NKAIN2: variants seen among roughly 807,000 people sequenced by gnomAD.
NKAIN2 encodes the protein sodium/potassium-transporting ATPase subunit beta-1-interacting protein 2.
In NKAIN2, 14 loss-of-function variants were observed where a neutral mutation model predicts 32.6. The observed-to-expected ratio is 0.43, with a 90% CI of 0.28 to 0.67. The LOEUF (loss-of-function observed/expected upper bound fraction) is 0.67. Ranked by LOEUF, NKAIN2 falls within the 30% of genes least tolerant of loss-of-function variation. The pLI is 0.17. For missense variants in NKAIN2, 198 were observed against 258.3 expected (o/e 0.77, Z 1.60); for synonymous variants, 80 against 87.2 (o/e 0.92, Z 0.46).
chr6:124,182,004 A>G (rs1042479621), intron 1 of NKAIN2, among the ~76,000 whole-genome samples: 13 of 152,180 alleles, frequency 8.5e-5, no homozygotes, highest in Non-Finnish European at 1.5e-4. Flanking sequence ...TCTAATAAAG[A>G]CATACATGAG....
intron 3 of NKAIN2, among the ~76,000 whole-genome samples, chr6:124,435,331 C>T (rs1038572098): frequency 1.4e-4 from 21 of 151,938 alleles, no homozygotes; most frequent in Non-Finnish European, 2.6e-4. Flanking sequence ...ATTTCTGGCC[C>T]CAGGAAGTCA....
At chr6:124,494,090 A>G (rs1172970331) in intron 3 of NKAIN2, among the ~76,000 whole-genome samples, 1 of 152,054 alleles carries the variant, frequency 6.6e-6, no homozygotes, top group African/African-American at 2.4e-5. Flanking sequence ...TTAGACAGCA[A>G]ACTCCATCTT....
intron 4 of NKAIN2, among the ~76,000 whole-genome samples, chr6:124,681,934 A>G (rs1028750007): frequency 6.6e-6 from 1 of 152,030 alleles, no homozygotes; most frequent in Non-Finnish European, 1.5e-5. Context: ...CAAAGAAACC[A>G]TGAAAGAAAG....
chr6:124,320,904 G>T (rs1797151293), intron 2 of NKAIN2, among the ~76,000 whole-genome samples: 1 of 152,038 alleles, frequency 6.6e-6, no homozygotes. Flanking sequence ...GAGAAATGAG[G>T]ACATTAAAGG....
chr6:124,589,849 C>T (rs1341519612), intron 3 of NKAIN2, among the ~76,000 whole-genome samples: 1 of 151,858 alleles, frequency 6.6e-6, no homozygotes, highest in Non-Finnish European at 1.5e-5. Flanking sequence ...CCCAACAAGC[C>T]CTGGCATATG....
intron 3 of NKAIN2, among the ~76,000 whole-genome samples, chr6:124,425,636 A>G (rs1045214747): frequency 3.9e-5 from 6 of 152,130 alleles, no homozygotes; most frequent in African/African-American, 1.4e-4. Context: ...AAAAATTGGC[A>G]AAGGACCTGA....
intron 1 of NKAIN2, among the ~76,000 whole-genome samples, chr6:124,155,941 A>G (rs2114420009): frequency 6.6e-6 from 1 of 151,786 alleles, no homozygotes; most frequent in Admixed American, 6.6e-5. Context: ...CAGAGATGCA[A>G]ATGCTGGGAA....
chr6:124,543,278 A>G (rs1378534183), intron 3 of NKAIN2, among the ~76,000 whole-genome samples: 1 of 152,198 alleles, frequency 6.6e-6, no homozygotes, highest in African/African-American at 2.4e-5. Flanking sequence ...GCTGTTATAC[A>G]ACTAATCCTT....
chr6:124,693,665 G>C (rs1774362300), intron 4 of NKAIN2, among the ~76,000 whole-genome samples: 2 of 152,184 alleles, frequency 1.3e-5, no homozygotes, highest in Admixed American at 6.5e-5. Context: ...ATTCGGAGTA[G>C]TAGGTGAAGG....
chr6:124,425,853 T>A (rs1562176818), intron 3 of NKAIN2, among the ~76,000 whole-genome samples: 1 of 152,172 alleles, frequency 6.6e-6, no homozygotes, highest in Non-Finnish European at 1.5e-5. Flanking sequence ...TTGTAAAGAC[T>A]GTTGACTTAT....
intron 1 of NKAIN2, among the ~76,000 whole-genome samples, chr6:124,006,420 C>A (rs1038958696): frequency 6.6e-6 from 1 of 151,992 alleles, no homozygotes; most frequent in Non-Finnish European, 1.5e-5. Flanking sequence ...AGGATAAGGG[C>A]GAGATGCATT....
At chr6:123,914,430 A>G (rs1322863102) in intron 1 of NKAIN2, among the ~76,000 whole-genome samples, 2 of 152,082 alleles carry the variant, frequency 1.3e-5, no homozygotes, top group Non-Finnish European at 2.9e-5. Flanking sequence ...TCTTCTTATA[A>G]TGATACTAAT....
chr6:124,157,738 A>G (rs1788063902), intron 1 of NKAIN2, among the ~76,000 whole-genome samples: 1 of 152,190 alleles, frequency 6.6e-6, no homozygotes, highest in Non-Finnish European at 1.5e-5. Context: ...AGCTAAAAGG[A>G]TTGTCATTCT....
At chr6:124,417,350 G>A (rs1408393646) in intron 3 of NKAIN2, among the ~76,000 whole-genome samples, 3 of 152,074 alleles carry the variant, frequency 2.0e-5, no homozygotes, top group Non-Finnish European at 4.4e-5. Context: ...GGACTCAAAA[G>A]CAGAATAGAG....
chr6:124,661,835 C>G (rs73770503), intron 4 of NKAIN2, among the ~76,000 whole-genome samples: 9,030 of 152,070 alleles, frequency 0.059, 362 homozygotes, highest in African/African-American at 0.11. Flanking sequence ...TGGGGAGAGC[C>G]AAGGAGGAGA....
At chr6:123,899,297 T>TTTCC (rs1009607513) in intron 1 of NKAIN2, among the ~76,000 whole-genome samples, 2 of 152,054 alleles carry the variant, frequency 1.3e-5, no homozygotes, top group Admixed American at 6.6e-5. Flanking sequence ...TGAGCACAGA[T>TTTCC]TTCCTTCCTT....
intron 1 of NKAIN2, among the ~76,000 whole-genome samples, chr6:124,062,580 C>G (rs975251707): frequency 1.3e-5 from 2 of 152,066 alleles, no homozygotes; most frequent in Non-Finnish European, 2.9e-5. Flanking sequence ...AGGCATGCAG[C>G]AGCACGCCTG....
chr6:124,520,535 G>T (rs1044672690), intron 3 of NKAIN2, among the ~76,000 whole-genome samples: 1 of 151,958 alleles, frequency 6.6e-6, no homozygotes, highest in Non-Finnish European at 1.5e-5. Flanking sequence ...CTAGTTTCAC[G>T]GTCATTTTTA....
At chr6:124,314,537 A>C (rs551277780) in intron 2 of NKAIN2, among the ~76,000 whole-genome samples, 2 of 152,284 alleles carry the variant, frequency 1.3e-5, no homozygotes, top group East Asian at 3.9e-4. Flanking sequence ...ATGATGTTGC[A>C]AATAAAGCCT....
Sources: allele counts gnomAD v4.1 joint callset (sites outside exome capture counted in the v4.1 genomes callset), GRCh38; gene constraint gnomAD v4.1.1; transcripts MANE v1.5; gene names NCBI Gene and HGNC (gene_info 2026-07-23, HGNC 2026-07-21).